MAP1B: variants seen among roughly 807,000 people sequenced by gnomAD.
MAP1B encodes microtubule associated protein 1B.
Under a neutral mutation model 176.1 loss-of-function variants are expected in MAP1B, and 12 were observed. The ratio of observed to expected loss-of-function variants is 0.07; its 90% confidence interval spans 0.04 to 0.11. The LOEUF (loss-of-function observed/expected upper bound fraction) is 0.11. Ranked by LOEUF, MAP1B falls within the 10% of genes least tolerant of loss-of-function variation. The pLI is 1.00. For missense variants in MAP1B, 2,523 were observed against 2,990.5 expected (o/e 0.84, Z 3.65); for synonymous variants, 1,044 against 1,135.0 (o/e 0.92, Z 1.61).
chr5:72,107,903 C>T (rs1745142023), intron 1 of MAP1B, among the ~76,000 whole-genome samples, 188 bp downstream of exon 1: 1 of 152,218 alleles, frequency 6.6e-6, no homozygotes, highest in African/African-American at 2.4e-5. Flanking sequence ...ATATGAGACC[C>T]AGAGGGAGAG....
chr5:72,161,135 G>A (rs927286974), intron 2 of MAP1B, among the ~76,000 whole-genome samples: 2 of 152,120 alleles, frequency 1.3e-5, no homozygotes, highest in South Asian at 2.1e-4. Context: ...AGTCAGCCAG[G>A]GTGTTTGACT....
chr5:72,198,303 G>T lies in MAP1B; in HGVS notation c.4948G>T (p.Gly1650Cys), dbSNP rs200236304. 6.2e-7 allele frequency: 1 copy of T among 1,614,164 alleles called. No homozygotes were observed. Among genetic ancestry groups the T allele is most frequent in the Non-Finnish European group, 8.5e-7 (1 of 1,180,036 alleles). ...SEQSSMSIEF[G>C]QESPEQSLAM... The stretch of plus-strand genomic sequence containing the variant: ...ACAGTCCTCAATGTCTATTGAATTT[G>T]GCCAAGAATCTCCTGAGCAATCCCT... The change falls in exon 5 of 7, where the codon GGC becomes TGC. Residue 1650 changes from glycine (G) to cysteine (C), a missense_variant. By Grantham distance (159) the Gly-to-Cys change is radical. Around this residue, in one of 4 missense-constraint regions of MAP1B, gnomAD observed 1,925 missense variants for 2,126.0 expected, o/e 0.91. Coordinates refer to ENST00000296755, the MANE Select transcript of MAP1B (RefSeq NM_005909.5).
At position 72,198,670 on chromosome 5, in the gene MAP1B, G is replaced by A; in HGVS notation, c.5315G>A (p.Ser1772Asn). ...YASLTSEKVQ[S>N]LEGEKLSPKS... ...TCACTCACCTCTGAAAAAGTGCAAA[G>A]TCTGGAAGGAGAGAAGCTCTCTCCA... is the stretch of plus-strand genomic sequence containing the variant. Residue 1772 changes from serine to asparagine, a missense_variant, in exon 5 of 7, where the codon AGT becomes AAT. This residue lies in a region of MAP1B where 1,925 missense variants were observed against 2,126.0 expected (regional missense o/e 0.91). Coordinates refer to ENST00000296755, the MANE Select transcript of MAP1B (RefSeq NM_005909.5). The A allele has an allele frequency of 1.2e-6, 2 of 1,614,186 alleles. No homozygotes were observed. Among genetic ancestry groups the A allele is most frequent in the Non-Finnish European group, 1.7e-6 (2 of 1,180,028 alleles).
chr5:72,171,272 G>A (rs1746532153), intron 2 of MAP1B, among the ~76,000 whole-genome samples: 1 of 152,172 alleles, frequency 6.6e-6, no homozygotes, highest in Admixed American at 6.5e-5. Context: ...TGTGGGCCAA[G>A]AGTTTAAAGA....
chr5:72,184,123 G>A (rs960344997), intron 3 of MAP1B, among the ~76,000 whole-genome samples: 4 of 152,202 alleles, frequency 2.6e-5, no homozygotes, highest in African/African-American at 9.7e-5. Flanking sequence ...GTGCTGCTGG[G>A]ATGGAGTCTG....
chr5:72,125,894 T>G (rs1266134048), intron 2 of MAP1B, among the ~76,000 whole-genome samples: 1 of 152,174 alleles, frequency 6.6e-6, no homozygotes, highest in Non-Finnish European at 1.5e-5. Flanking sequence ...AATTCACCCT[T>G]CTGAAATCAT....
At chr5:72,147,855 G>T (rs908901410) in intron 2 of MAP1B, among the ~76,000 whole-genome samples, 1 of 152,164 alleles carries the variant, frequency 6.6e-6, no homozygotes, top group Non-Finnish European at 1.5e-5. Context: ...TTTGCTGTCT[G>T]CACTGACAGA....
intron 2 of MAP1B, among the ~76,000 whole-genome samples, chr5:72,134,831 G>C (rs1159416725): frequency 6.6e-6 from 1 of 150,954 alleles, no homozygotes; most frequent in African/African-American, 2.4e-5. Flanking sequence ...GAGTAGAAAA[G>C]GAAGGCAGGC....
At position 72,193,927 on chromosome 5, in the gene MAP1B, C is replaced by G; in HGVS notation, c.572C>G (p.Pro191Arg). 6.2e-7 allele frequency: 1 copy of G among 1,614,034 alleles called. No homozygotes were observed. Among genetic ancestry groups the G allele is most frequent in the Non-Finnish European group, 8.5e-7 (1 of 1,179,956 alleles). ...ANKASLTLFCPEEGDWKNSNL... is the reference protein window; with the variant it reads ...ANKASLTLFCREEGDWKNSNL... The stretch of plus-strand genomic sequence containing the variant: ...AAAGCCAGCTTAACCCTGTTCTGTC[C>G]TGAAGAAGGGGACTGGAAGAACTCC... Residue 191 changes from proline to arginine, a missense_variant, in exon 5 of 7, where the codon CCT becomes CGT. Pro to Arg is a moderately radical substitution (Grantham distance 103, BLOSUM62 -2). Coordinates refer to ENST00000296755, the MANE Select transcript of MAP1B (RefSeq NM_005909.5).
At chr5:72,129,134 A>G (rs1745680636) in intron 2 of MAP1B, among the ~76,000 whole-genome samples, 1 of 152,198 alleles carries the variant, frequency 6.6e-6, no homozygotes, top group African/African-American at 2.4e-5. Flanking sequence ...AGGAAGAGAC[A>G]AGGTTGTCTA....
At chr5:72,163,946 T>TG (rs1258096991) in intron 2 of MAP1B, among the ~76,000 whole-genome samples, 1 of 139,006 alleles carries the variant, frequency 7.2e-6, no homozygotes, top group African/African-American at 2.7e-5. Flanking sequence ...TTTTTTTTTT[T>TG]TTTTTGAGAC....
chr5:72,167,918 G>T (rs1278812438), intron 2 of MAP1B, among the ~76,000 whole-genome samples: 1 of 152,234 alleles, frequency 6.6e-6, no homozygotes, highest in Non-Finnish European at 1.5e-5. Context: ...ACACATTAAG[G>T]CATCATCTTC....
In MAP1B at chr5:72,124,839, C is replaced by G. The variant is rs191335712; in HGVS notation, c.286+9040C>G. Among the ~76,000 whole-genome samples the G allele has an allele frequency of 5.9e-5, 9 of 152,332 alleles. No homozygotes were observed. The East Asian group carries it at 1.5e-3, about 26-fold the overall frequency. ...AGGAACAGCTATTCCCCTGAGGGAGCAACACGTTTTTAGTGCACCTGGCCC... is the reference window on the plus strand; with the variant it reads ...AGGAACAGCTATTCCCCTGAGGGAGGAACACGTTTTTAGTGCACCTGGCCC... On this transcript the variant is annotated intron_variant, in intron 2 of 6. Transcript: ENST00000296755.
intron 2 of MAP1B, among the ~76,000 whole-genome samples, chr5:72,141,394 A>C (rs1044997859): frequency 1.3e-5 from 2 of 152,250 alleles, no homozygotes; most frequent in Admixed American, 6.5e-5. Context: ...CCTTTGATGC[A>C]CGTTAGAAAA....
At chr5:72,171,597 AT>A (rs531047868) in intron 2 of MAP1B, among the ~76,000 whole-genome samples, 364 of 151,278 alleles carry the variant, frequency 2.4e-3, no homozygotes, top group Non-Finnish European at 3.8e-3. Context: ...CTCAAAAAAA[AT>A]TTTTTTTTTA....
Position 72,196,258 on chromosome 5 carries a change from A to G in MAP1B, c.2903A>G (p.Lys968Arg). The G allele has an allele frequency of 6.2e-7, 1 of 1,613,998 alleles. No homozygotes were observed. The highest frequency in any genetic ancestry group is 8.5e-7 in the Non-Finnish European group (1 of 1,180,026). ...GAACACGTATGTGTGAGCGCCTCCA[A>G]GCACAGCCCCACTGAGGATGAGGAA... ...GEEHVCVSAS[K>R]HSPTEDEESA... Residue 968 changes from lysine to arginine, a missense_variant, in exon 5 of 7, where the codon AAG (lysine) becomes AGG (arginine). Lys to Arg is a conservative substitution (Grantham distance 26, BLOSUM62 2). Transcript: ENST00000296755. The surrounding 1 kb of genome is among the most constrained non-coding windows in gnomAD (Gnocchi z 5.3).
intron 2 of MAP1B, among the ~76,000 whole-genome samples, chr5:72,132,779 C>A (rs1010637270): frequency 6.6e-6 from 1 of 152,130 alleles, no homozygotes. Context: ...TATGGAAAGT[C>A]ATTTTTAGAG....
chr5:72,196,394 T>C lies in MAP1B; in HGVS notation c.3039T>C (p.Ala1013=), dbSNP rs201481203. 3 of 1,613,810 alleles carry C rather than the reference T, an allele frequency of 1.9e-6. No individual in the cohort carries two copies. The highest frequency in any genetic ancestry group is 2.5e-6 in the Non-Finnish European group (3 of 1,179,986). The change falls in exon 5 of 7, where the codon GCT becomes GCC. Residue 1013 remains alanine, a synonymous_variant. Transcript: ENST00000296755. This position sits in a 1 kb window ranked among gnomAD's most constrained non-coding sequence, Gnocchi z 5.3. ...ATGAGGCCATTGAGAAAGGAGAGGC[T>C]GAACAATCTGAAGAGGAGGCTGATG... ...DMDEAIEKGE[A]EQSEEEADEE... is the part of the protein sequence containing the mutation.
At chr5:72,144,776 G>A (rs1461239796) in intron 2 of MAP1B, among the ~76,000 whole-genome samples, 3 of 152,150 alleles carry the variant, frequency 2.0e-5, no homozygotes, top group African/African-American at 7.2e-5. Flanking sequence ...CTTTTAAACA[G>A]TTTTTTAGAG....
Sources: allele counts gnomAD v4.1 joint callset (sites outside exome capture counted in the v4.1 genomes callset), GRCh38; gene constraint gnomAD v4.1.1; regional missense constraint gnomAD v4.1.1; non-coding constraint Gnocchi (gnomAD v3.1); transcripts MANE v1.5; gene names NCBI Gene and HGNC (gene_info 2026-07-23, HGNC 2026-07-21).